Variants in TAT observed in about 807,000 individuals in gnomAD.
TAT encodes the protein tyrosine aminotransferase.
Under a neutral mutation model 53.6 loss-of-function variants are expected in TAT, and 35 were observed. The observed-to-expected ratio is 0.65, with a 90% CI of 0.50 to 0.87. The LOEUF (loss-of-function observed/expected upper bound fraction) is 0.87, where lower values mean the gene tolerates loss of function less well. TAT is among the 40% of genes least tolerant of loss of function. TAT has a pLI of 0.00. For missense variants in TAT, 525 were observed against 571.8 expected (o/e 0.92, Z 0.83); for synonymous variants, 197 against 206.5 (o/e 0.95, Z 0.39).
chr16:71,573,344 T>C (rs2044215741), intron 4 of TAT, among the ~76,000 whole-genome samples, 195 bp downstream of exon 4: 1 of 152,194 alleles, frequency 6.6e-6, no homozygotes, highest in African/African-American at 2.4e-5. Flanking sequence ...GGATGGTCAT[T>C]ATCACACTGT....
At chr16:71,568,561 A>C in intron 11 of TAT, 150 bp downstream of exon 11, 1 of 765,952 alleles carries the variant, frequency 1.3e-6, no homozygotes, top group Non-Finnish European at 2.2e-6. Context: ...GCAAATTTTA[A>C]ATAGGATCCA....
intron 8 of TAT, 83 bp from the exon 9 acceptor site, chr16:71,570,480 C>A: frequency 6.2e-7 from 1 of 1,611,144 alleles, no homozygotes; most frequent in Non-Finnish European, 8.5e-7. Flanking sequence ...ACCTTTCTAT[C>A]AGGTTTTTAA....
intron 4 of TAT, among the ~76,000 whole-genome samples, chr16:71,573,260 TACAG>T (rs2044215342): frequency 6.6e-6 from 1 of 152,228 alleles, no homozygotes; most frequent in Non-Finnish European, 1.5e-5. Context: ...AATGATCTTT[TACAG>T]ACAATCAAAT....
At chr16:71,570,068 A>G in intron 9 of TAT, 131 bp from the exon 10 acceptor site, 1 of 1,316,188 alleles carries the variant, frequency 7.6e-7, no homozygotes. Flanking sequence ...GTGAAAAAGA[A>G]AAAGCTCTAT....
At chr16:71,576,534 C>T (rs2044236475) in intron 1 of TAT, 107 bp from the exon 2 acceptor site, 1 of 914,588 alleles carries the variant, frequency 1.1e-6, no homozygotes, top group East Asian at 2.6e-5. Context: ...AGTGTCTTTC[C>T]AAACTCTCTC....
At chr16:71,570,584 G>T in intron 8 of TAT, 95 bp downstream of exon 8, 1 of 1,589,542 alleles carries the variant, frequency 6.3e-7, no homozygotes, top group Non-Finnish European at 8.6e-7. Flanking sequence ...TGACTGACAA[G>T]GAGAAAGAAA....
In TAT at chr16:71,566,656, C is replaced by G. The variant is rs1449845021; in HGVS notation, c.*1488G>C. 6.6e-6 allele frequency: 1 copy of G among 151,958 alleles called. No homozygotes were observed. The highest frequency in any genetic ancestry group is 1.5e-5 in the Non-Finnish European group (1 of 67,986). The allele number at this position is 151,958 out of a possible 1,614,324, so 9.4% of individuals were successfully genotyped here. A position where few individuals can be genotyped will look rare whatever the true frequency, so the allele number is the denominator to read the frequency against. ...GGCCAGAGGTTATAACTTACTGCCTCTTGGTAAGTAGGAAGCCAGAAGTTG... is the reference window on the plus strand; with the variant it reads ...GGCCAGAGGTTATAACTTACTGCCTGTTGGTAAGTAGGAAGCCAGAAGTTG... On this transcript the variant is annotated 3_prime_UTR_variant, in exon 12 of 12. Transcript: ENST00000355962.
At chr16:71,572,001 C>T in intron 6 of TAT, 185 bp downstream of exon 6, 1 of 714,708 alleles carries the variant, frequency 1.4e-6, no homozygotes, top group Non-Finnish European at 2.3e-6. Flanking sequence ...ACAAGTATTT[C>T]TTCTTTTTCT....
At chr16:71,574,538 G>A (rs981756766) in intron 3 of TAT, among the ~76,000 whole-genome samples, 2 of 132,128 alleles carry the variant, frequency 1.5e-5, no homozygotes, top group Non-Finnish European at 3.1e-5. Flanking sequence ...CCAAGATCAT[G>A]CCACTGCACT....
rs1457420030 is a variant in TAT, at chr16:71,566,162, T to G, written c.*1982A>C. On this transcript the variant is annotated 3_prime_UTR_variant, in exon 12 of 12. Transcript: ENST00000355962. Reference sequence around the variant, plus strand: ...CTGAAATCTTTATCTAATCTCATCCTTTGTATATTCGTCTTGGATTTGCTG... The same window carrying G: ...CTGAAATCTTTATCTAATCTCATCCGTTGTATATTCGTCTTGGATTTGCTG... The G allele has an allele frequency of 6.6e-6, 1 of 152,216 alleles. No homozygotes were observed. The highest frequency in any genetic ancestry group is 1.5e-5 in the Non-Finnish European group (1 of 68,036). 9.4% of individuals were successfully genotyped at this position (152,216 alleles called of 1,614,324 possible).
chr16:71,572,480 T>A (rs867436906), intron 5 of TAT, 50 bp downstream of exon 5: 1 of 1,613,194 alleles, frequency 6.2e-7, no homozygotes, highest in Non-Finnish European at 8.5e-7. Context: ...CATATATTTT[T>A]TACAGGTTAG....
In TAT at chr16:71,567,831, A is replaced by G. The variant is rs1451091122; in HGVS notation, c.*313T>C. ...CCTGAGCTCTTATTTTCTTGTCTCA[A>G]CTGCTTTCTGGTAAACTTTGTTCAC... On this transcript the variant is annotated 3_prime_UTR_variant, in exon 12 of 12. Transcript: ENST00000355962. 3 of 376,576 alleles carry G rather than the reference A, an allele frequency of 8.0e-6. No individual in the cohort carries two copies. Among genetic ancestry groups the G allele is most frequent in the African/African-American group, 2.1e-5 (1 of 48,216 alleles). The allele number at this position is 376,576 out of a possible 1,614,324, so 23.3% of individuals were successfully genotyped here.
chr16:71,574,141 T>C (rs773138245), intron 3 of TAT, among the ~76,000 whole-genome samples: 2 of 152,256 alleles, frequency 1.3e-5, no homozygotes, highest in African/African-American at 2.4e-5. Flanking sequence ...TTTTACAATT[T>C]TAGTATAAGC....
intron 5 of TAT, 36 bp from the exon 6 acceptor site, chr16:71,572,360 T>C: frequency 6.2e-7 from 1 of 1,614,002 alleles, no homozygotes; most frequent in Non-Finnish European, 8.5e-7. Context: ...AAGATGATTC[T>C]GAAACATTTA....
intron 10 of TAT, 144 bp downstream of exon 10, chr16:71,569,710 A>T (rs2145230101): frequency 1.3e-6 from 1 of 770,458 alleles, no homozygotes; most frequent in South Asian, 1.5e-5. Flanking sequence ...ACAATTCAGA[A>T]TAAGACAACT....
chr16:71,567,991 T>C lies in TAT; in HGVS notation c.*153A>G, dbSNP rs1266277389. 1.2e-6 allele frequency: 1 copy of C among 837,404 alleles called. No homozygotes were observed. Among genetic ancestry groups the C allele is most frequent in the East Asian group, 2.6e-5 (1 of 38,524 alleles). 51.9% of individuals were successfully genotyped at this position (837,404 alleles called of 1,614,324 possible). Reference sequence around the variant, plus strand: ...AGGAGGATCTGAGTGTGGGTGTGGTTGTACTTGGGGAAAAGCAGGAACAAT... The same window carrying C: ...AGGAGGATCTGAGTGTGGGTGTGGTCGTACTTGGGGAAAAGCAGGAACAAT... On this transcript the variant is annotated 3_prime_UTR_variant, in exon 12 of 12. Transcript: ENST00000355962.
chr16:71,576,342 C>A lies in TAT; in HGVS notation c.74G>T (p.Gly25Val), dbSNP rs200016864. 4.0e-5 allele frequency: 64 copies of A among 1,614,096 alleles called. 1 individual carries two copies. In the South Asian group the frequency reaches 6.9e-4, roughly 17 times the overall value. ...PSILDVHVNVGGRSSVPGKMK... is the reference protein window; with the variant it reads ...PSILDVHVNVVGRSSVPGKMK... ...TTTTCCCGGCACAGAGCTTCTCCCACCAACGTTGACATGCACGTCCAGAAT... is the reference window on the plus strand; with the variant it reads ...TTTTCCCGGCACAGAGCTTCTCCCAACAACGTTGACATGCACGTCCAGAAT... Residue 25 changes from glycine (G) to valine (V), a missense_variant, in exon 2 of 12, where the codon GGT becomes GTT. Gly to Val is a moderately radical substitution (Grantham distance 109). Transcript: ENST00000355962.
At position 71,566,880 on chromosome 16, in the gene TAT, A is replaced by G. The variant is rs1358981648; in HGVS notation, c.*1264T>C. Reference sequence around the variant, plus strand: ...GGTGAAATTTATTAAAAAAAAAAAAAGAAAAACAATAATTTATGCCCTTGG... The same window carrying G: ...GGTGAAATTTATTAAAAAAAAAAAAGGAAAAACAATAATTTATGCCCTTGG... On this transcript the variant is annotated 3_prime_UTR_variant, in exon 12 of 12. Transcript: ENST00000355962. 6.6e-6 allele frequency: 1 copy of G among 151,904 alleles called. No individual in the cohort carries two copies. The highest frequency in any genetic ancestry group is 2.4e-5 in the African/African-American group (1 of 41,414). 9.4% of individuals were successfully genotyped at this position (151,904 alleles called of 1,614,324 possible).
chr16:71,569,168 C>G (rs1382118088), intron 10 of TAT, among the ~76,000 whole-genome samples: 1 of 152,088 alleles, frequency 6.6e-6, no homozygotes, highest in African/African-American at 2.4e-5. Context: ...ATGGCAGCCC[C>G]TAGTCATTCT....
Sources: gnomAD v4.1 joint callset for allele counts (sites outside exome capture counted in the v4.1 genomes callset) on GRCh38, gnomAD v4.1.1 for gene constraint, MANE v1.5 for transcripts, NCBI Gene and HGNC (gene_info 2026-07-23, HGNC 2026-07-21) for gene names.